Variants in FRYL observed in about 807,000 individuals in gnomAD.
The protein encoded by FRYL is protein furry homolog-like.
FRYL carries 150 observed loss-of-function variants against 351.2 expected under a neutral mutation model. The observed-to-expected ratio is 0.43, with a 90% CI of 0.37 to 0.49. The LOEUF is 0.49. Ranked by LOEUF, FRYL falls within the 20% of genes least tolerant of loss-of-function variation. FRYL has a pLI of 0.00. For missense variants in FRYL, 3,036 were observed against 3,619.3 expected (o/e 0.84, Z 4.13); for synonymous variants, 1,153 against 1,257.1 (o/e 0.92, Z 1.75).
chr4:48,620,044 C>T (rs1750332872), intron 6 of FRYL, among the ~76,000 whole-genome samples: 1 of 152,162 alleles, frequency 6.6e-6, no homozygotes, highest in Admixed American at 6.5e-5. Context: ...CATGAAAATA[C>T]AGTACAAGGT....
intron 46 of FRYL, 33 bp downstream of exon 46, chr4:48,540,320 T>C (rs1222480481): frequency 3.8e-6 from 6 of 1,581,412 alleles, no homozygotes; most frequent in Non-Finnish European, 3.4e-6. Context: ...CTGCATAAAA[T>C]GCAAAGTGCT....
intron 2 of FRYL, among the ~76,000 whole-genome samples, chr4:48,689,451 A>G (rs1560863653): frequency 6.6e-6 from 1 of 152,348 alleles, no homozygotes; most frequent in East Asian, 1.9e-4. Context: ...ATCTAGAGTT[A>G]AGTACCAAGA....
chr4:48,563,638 A>T (rs578034108), intron 31 of FRYL, among the ~76,000 whole-genome samples: 36 of 151,414 alleles, frequency 2.4e-4, no homozygotes, highest in African/African-American at 8.7e-4. Flanking sequence ...TGAGCCTAGG[A>T]GTTTGAGGTT....
At chr4:48,580,696 T>C (rs1740696968) in intron 22 of FRYL, 169 bp downstream of exon 22, 2 of 483,660 alleles carry the variant, frequency 4.1e-6, no homozygotes, top group Non-Finnish European at 7.3e-6. Context: ...TATAAATGAA[T>C]GTCACTTTTT....
intron 53 of FRYL, among the ~76,000 whole-genome samples, chr4:48,526,801 A>C (rs1259016453): frequency 6.6e-6 from 1 of 152,182 alleles, no homozygotes; most frequent in East Asian, 1.9e-4. Flanking sequence ...CATAACTACC[A>C]ATATAATGTA....
chr4:48,547,440 T>A, intron 41 of FRYL, 144 bp downstream of exon 41: 2 of 449,712 alleles, frequency 4.4e-6, no homozygotes, highest in Admixed American at 7.9e-5. Flanking sequence ...AGCAAATAAT[T>A]TAAATGGTAC....
At chr4:48,533,620 T>C (rs1432992198) in intron 49 of FRYL, among the ~76,000 whole-genome samples, 2 of 152,202 alleles carry the variant, frequency 1.3e-5, no homozygotes, top group African/African-American at 4.8e-5. Flanking sequence ...AGGTTGTTAA[T>C]GAGCTTGTTC....
At chr4:48,717,738 T>C (rs1769027884) in intron 1 of FRYL, among the ~76,000 whole-genome samples, 1 of 151,162 alleles carries the variant, frequency 6.6e-6, no homozygotes, top group African/African-American at 2.4e-5. Flanking sequence ...GATGGGGTCT[T>C]GTTGTGTTGC....
intron 32 of FRYL, 74 bp from the exon 33 acceptor site, chr4:48,561,710 T>G: frequency 8.2e-7 from 1 of 1,225,254 alleles, no homozygotes; most frequent in Non-Finnish European, 1.1e-6. Context: ...AATTTTATAA[T>G]TTTTAAAAAA....
chr4:48,749,339 T>TA (rs1773014503), intron 1 of FRYL, among the ~76,000 whole-genome samples: 1 of 152,256 alleles, frequency 6.6e-6, no homozygotes, highest in South Asian at 2.1e-4. Context: ...TTAACCCAGC[T>TA]ATCAGCTCTG....
chr4:48,662,241 G>T (rs1340761369), intron 3 of FRYL, among the ~76,000 whole-genome samples: 1 of 151,990 alleles, frequency 6.6e-6, no homozygotes. Context: ...AAGAGTTCAC[G>T]GCCAGCCTGG....
At chr4:48,715,393 TCTC>T (rs1337559661) in intron 1 of FRYL, among the ~76,000 whole-genome samples, 14 of 152,066 alleles carry the variant, frequency 9.2e-5, no homozygotes, top group African/African-American at 2.4e-4. Flanking sequence ...CAGCCCAAAA[TCTC>T]CTCAAGGTGA....
chr4:48,657,367 T>TG (rs1759451301), intron 3 of FRYL, among the ~76,000 whole-genome samples: 1 of 150,020 alleles, frequency 6.7e-6, no homozygotes, highest in South Asian at 2.1e-4. Context: ...TTTTTTTTTT[T>TG]TTTTTGGAGA....
intron 3 of FRYL, chr4:48,680,940 G>C (rs1386240050): frequency 8.2e-6 from 10 of 1,224,794 alleles, no homozygotes; most frequent in Non-Finnish European, 9.4e-6. Context: ...CTAGTTGTTG[G>C]TGTTCGTATT....
intron 32 of FRYL, among the ~76,000 whole-genome samples, chr4:48,561,911 G>C (rs759469365): frequency 6.6e-6 from 1 of 152,142 alleles, no homozygotes; most frequent in African/African-American, 2.4e-5. Context: ...AGCTACTCAG[G>C]AGGCTGAGGG....
intron 1 of FRYL, among the ~76,000 whole-genome samples, chr4:48,741,653 G>C (rs1335066776): frequency 6.6e-6 from 1 of 152,006 alleles, no homozygotes; most frequent in Non-Finnish European, 1.5e-5. Flanking sequence ...CCGAAATGGC[G>C]CCACTATACT....
intron 47 of FRYL, among the ~76,000 whole-genome samples, chr4:48,537,353 C>T (rs1302901339): frequency 1.3e-5 from 2 of 152,058 alleles, no homozygotes; most frequent in South Asian, 2.1e-4. Flanking sequence ...GGTTAAAATA[C>T]GATCCAAAAA....
At chr4:48,750,210 T>G (rs539481227) in intron 1 of FRYL, among the ~76,000 whole-genome samples, 1 of 148,856 alleles carries the variant, frequency 6.7e-6, no homozygotes, top group Non-Finnish European at 1.5e-5. Flanking sequence ...CGTATAATAC[T>G]AGCACTCTGG....
intron 3 of FRYL, among the ~76,000 whole-genome samples, chr4:48,665,761 G>C (rs1314812117): frequency 1.3e-5 from 2 of 152,292 alleles, no homozygotes; most frequent in African/African-American, 4.8e-5. Context: ...TGCCAGAAAA[G>C]AGACTTAAAC....
Sources: allele counts gnomAD v4.1 joint callset (sites outside exome capture counted in the v4.1 genomes callset), GRCh38; gene constraint gnomAD v4.1.1; transcripts MANE v1.5; gene names NCBI Gene and HGNC (gene_info 2026-07-23, HGNC 2026-07-21).